NFIB: variants seen among roughly 807,000 people sequenced by gnomAD.
The protein encoded by NFIB is nuclear factor I B.
NFIB carries 11 observed loss-of-function variants against 61.5 expected under a neutral mutation model. The observed-to-expected ratio is 0.18, with a 90% CI of 0.11 to 0.30. The LOEUF is 0.30. Among genes scored for constraint, NFIB ranks in the 10% least tolerant of loss-of-function variants. NFIB has a pLI of 1.00. For missense variants in NFIB, 471 were observed against 608.9 expected (o/e 0.77, Z 2.38); for synonymous variants, 260 against 216.5 (o/e 1.20, Z -1.76).
At chr9:14,250,456 G>C (rs1049182335) in intron 2 of NFIB, among the ~76,000 whole-genome samples, 2 of 152,126 alleles carry the variant, frequency 1.3e-5, no homozygotes, top group Admixed American at 6.5e-5. Context: ...CAAAACTTCA[G>C]CTTTTGCCAT....
chr9:14,242,227 ATG>A (rs763214797), intron 2 of NFIB, among the ~76,000 whole-genome samples: 5 of 152,234 alleles, frequency 3.3e-5, no homozygotes, highest in Non-Finnish European at 2.9e-5. Flanking sequence ...GAAAGAATTT[ATG>A]TGTTTTTTCC....
intron 2 of NFIB, among the ~76,000 whole-genome samples, chr9:14,230,288 C>T (rs1234048221): frequency 6.6e-6 from 1 of 152,176 alleles, no homozygotes; most frequent in African/African-American, 2.4e-5. Context: ...GAGATCATGT[C>T]CTCATAGAGC....
intron 2 of NFIB, among the ~76,000 whole-genome samples, chr9:14,237,842 AGT>A (rs200054648): frequency 0.087 from 4,576 of 52,478 alleles, 462 homozygotes; most frequent in Non-Finnish European, 0.11. Flanking sequence ...TAGGTATAAC[AGT>A]GTGTGTGTGT....
intron 2 of NFIB, among the ~76,000 whole-genome samples, chr9:14,291,249 C>T (rs1165565074): frequency 6.6e-6 from 1 of 152,016 alleles, no homozygotes. Context: ...TTTTGGGAGG[C>T]TGAGGTGGGT....
intron 4 of NFIB, among the ~76,000 whole-genome samples, chr9:14,151,931 G>A (rs766205198): frequency 5.9e-5 from 9 of 151,994 alleles, no homozygotes; most frequent in Non-Finnish European, 1.2e-4. Flanking sequence ...ATTCCAAAGG[G>A]ATTGCAGATT....
chr9:14,267,232 G>A (rs2057276908), intron 2 of NFIB, among the ~76,000 whole-genome samples: 1 of 152,142 alleles, frequency 6.6e-6, no homozygotes, highest in Non-Finnish European at 1.5e-5. Flanking sequence ...GCAAAGATCT[G>A]CATATGGATC....
intron 2 of NFIB, among the ~76,000 whole-genome samples, chr9:14,260,885 A>C (rs1306553437): frequency 6.6e-6 from 1 of 151,762 alleles, no homozygotes; most frequent in East Asian, 1.9e-4. Context: ...AGATGGTGGC[A>C]AAAGGTAGCC....
chr9:14,164,280 A>C (rs570981011), intron 3 of NFIB, among the ~76,000 whole-genome samples: 1 of 152,210 alleles, frequency 6.6e-6, no homozygotes, highest in East Asian at 1.9e-4. Context: ...GAAATGTGTT[A>C]ATAGGCAATT....
At chr9:14,452,150 C>T in the NFIB span, among the ~76,000 whole-genome samples, 1 of 151,946 alleles carries the variant, frequency 6.6e-6, no homozygotes, top group Non-Finnish European at 1.5e-5. Context: ...TGTGGTTATT[C>T]GTGTTTCTAA....
the NFIB span, among the ~76,000 whole-genome samples, chr9:14,493,192 G>C: frequency 6.6e-6 from 1 of 152,106 alleles, no homozygotes. Context: ...ATTCGTTAAG[G>C]CCATATTTGG....
In NFIB at chr9:14,360,734, C is replaced by T. The variant is rs191052147; in HGVS notation, c.108+37790G>A. The stretch of plus-strand genomic sequence containing the variant: ...TAATTTTTTGTATTTTTAGTAGAGA[C>T]GGGGTTTCACCTTGTTAGCCAGAAT... On this transcript the variant is annotated intron_variant, in intron 1 of 8. Coordinates refer to the NFIB transcript ENST00000380934. Among the ~76,000 whole-genome samples the T allele has an allele frequency of 7.8e-4, 119 of 151,968 alleles. 1 individual carries two copies. The highest frequency in any genetic ancestry group is 2.8e-3 in the African/African-American group (115 of 41,492).
chr9:14,267,567 C>A (rs1215627720), intron 2 of NFIB, among the ~76,000 whole-genome samples: 2 of 152,202 alleles, frequency 1.3e-5, no homozygotes, highest in Non-Finnish European at 2.9e-5. Flanking sequence ...ACAAAGACCC[C>A]CATACCCCAT....
rs1004783846 is a variant in NFIB at position 14,229,620 on chromosome 9, A to C, written c.563-49840T>G. The stretch of plus-strand genomic sequence containing the variant: ...TTTCTGCTGAGGAAGAAGAAGAAAG[A>C]AACAGAGTTCTCAGCTTTACATAAA... On this transcript the variant is annotated intron_variant, in intron 2 of 10. Transcript: ENST00000380953. Among the ~76,000 whole-genome samples, 14 of 152,322 alleles carry C rather than the reference A, an allele frequency of 9.2e-5. No homozygotes were observed. The South Asian group carries it at 1.7e-3, about 18-fold the overall frequency.
At chr9:14,109,220 A>G (rs748659448) in intron 10 of NFIB, among the ~76,000 whole-genome samples, 1 of 152,092 alleles carries the variant, frequency 6.6e-6, no homozygotes, top group Non-Finnish European at 1.5e-5. Flanking sequence ...AATAATTTCT[A>G]TATTTCCTAA....
intron 10 of NFIB, among the ~76,000 whole-genome samples, chr9:14,089,102 T>A (rs1469938008): frequency 6.6e-6 from 1 of 152,134 alleles, no homozygotes; most frequent in African/African-American, 2.4e-5. Context: ...TTTCTTATTC[T>A]AACCCTCTTT....
chr9:14,391,209 C>T (rs1037612992), intron 1 of NFIB, among the ~76,000 whole-genome samples: 9 of 151,984 alleles, frequency 5.9e-5, no homozygotes, highest in African/African-American at 2.2e-4. Context: ...TTGGTTCAAA[C>T]TCAATATTAT....
At chr9:14,242,279 C>G (rs1464651651) in intron 2 of NFIB, among the ~76,000 whole-genome samples, 1 of 152,100 alleles carries the variant, frequency 6.6e-6, no homozygotes, top group Non-Finnish European at 1.5e-5. Flanking sequence ...AAACAAATTA[C>G]AAATATCCAC....
chr9:14,162,137 A>T (rs925028259), intron 3 of NFIB, among the ~76,000 whole-genome samples: 1 of 152,156 alleles, frequency 6.6e-6, no homozygotes, highest in African/African-American at 2.4e-5. Context: ...ATACACAAAC[A>T]TTAAAAATAT....
intron 2 of NFIB, among the ~76,000 whole-genome samples, chr9:14,268,965 G>T (rs2057411638): frequency 6.6e-6 from 1 of 152,130 alleles, no homozygotes; most frequent in Non-Finnish European, 1.5e-5. Context: ...ATTACAGATA[G>T]TATCAATCTC....
Sources: gnomAD v4.1 joint callset for allele counts (sites outside exome capture counted in the v4.1 genomes callset) on GRCh38, gnomAD v4.1.1 for gene constraint, MANE v1.5 for transcripts, NCBI Gene and HGNC (gene_info 2026-07-23, HGNC 2026-07-21) for gene names.